Variants in JPH3 observed in about 807,000 individuals in gnomAD.
JPH3 encodes the protein junctophilin 3, also known as junctophilin-3.
Under a neutral mutation model 59.6 loss-of-function variants are expected in JPH3, and 11 were observed. The ratio of observed to expected loss-of-function variants is 0.18; its 90% CI spans 0.12 to 0.31. JPH3 has a LOEUF of 0.31. JPH3 is among the 10% of genes least tolerant of loss of function. The pLI is 1.00. For synonymous variants in JPH3, 673 were observed against 483.6 expected, an observed-to-expected ratio of 1.39 and a Z score of -5.14; for missense variants, 1,202 against 1,105.7, an observed-to-expected ratio of 1.09 and a Z score of -1.24.
intron 1 of JPH3, among the ~76,000 whole-genome samples, chr16:87,613,787 C>A (rs1484238852): frequency 6.6e-6 from 1 of 152,068 alleles, no homozygotes; most frequent in Non-Finnish European, 1.5e-5. Flanking sequence ...TATTTTGTTC[C>A]AAGTATTGTG....
At position 87,604,180 on chromosome 16, in the gene JPH3, T is replaced by C. The variant is rs1039359747; in HGVS notation, c.382+652T>C. ...AGTGAGAGCCCAGGAATCTCGTCTT[T>C]CAGTGGCTGCATCGTTTTCACCATT... On this transcript the variant is annotated intron_variant, in intron 1 of 4. Transcript: ENST00000284262. The C allele has an allele frequency of 1.3e-5, 18 of 1,394,154 alleles. No homozygotes were observed. The African/African-American group carries it at 2.2e-4, about 17-fold the overall frequency. The allele number at this position is 1,394,154 out of a possible 1,614,324, so 86.4% of individuals were successfully genotyped here. A position where few individuals can be genotyped will look rare whatever the true frequency, so the allele number is the denominator to read the frequency against.
intron 1 of JPH3, among the ~76,000 whole-genome samples, chr16:87,605,757 G>A (rs2030495560): frequency 6.6e-6 from 1 of 152,168 alleles, no homozygotes; most frequent in Non-Finnish European, 1.5e-5. Flanking sequence ...AGGAGTCCCA[G>A]CCTTTGGCTG....
At chr16:87,605,119 A>T (rs781023148) in intron 1 of JPH3, 6 of 330,564 alleles carry the variant, frequency 1.8e-5, no homozygotes, top group Non-Finnish European at 3.8e-5. Context: ...GGCTCTGGCC[A>T]GGAGGCTCTG....
intron 2 of JPH3, among the ~76,000 whole-genome samples, chr16:87,648,291 T>A (rs771266723): frequency 8.1e-5 from 12 of 148,748 alleles, no homozygotes; most frequent in Non-Finnish European, 1.6e-4. Flanking sequence ...CCCTGGAGAG[T>A]GAAGCTGATG....
intron 1 of JPH3, among the ~76,000 whole-genome samples, chr16:87,634,854 G>A (rs571916702): frequency 1.3e-5 from 2 of 152,226 alleles, no homozygotes; most frequent in Non-Finnish European, 2.9e-5. Flanking sequence ...GTGGGCTTCG[G>A]ATCAGCTCAG....
chr16:87,636,187 C>T (rs552640616), intron 1 of JPH3, among the ~76,000 whole-genome samples: 5 of 152,216 alleles, frequency 3.3e-5, no homozygotes, highest in Admixed American at 6.5e-5. Flanking sequence ...GTTTGCCCCC[C>T]ACAGCCTTGG....
intron 1 of JPH3, among the ~76,000 whole-genome samples, chr16:87,615,535 A>G (rs2030923747): frequency 6.6e-6 from 1 of 152,166 alleles, no homozygotes; most frequent in South Asian, 2.1e-4. Context: ...CTTGTGGGGA[A>G]AGCATGGCTC....
intron 1 of JPH3, among the ~76,000 whole-genome samples, chr16:87,633,679 G>GT (rs2031638393): frequency 6.6e-6 from 1 of 151,934 alleles, no homozygotes; most frequent in South Asian, 2.1e-4. Flanking sequence ...GGCGCCTGTA[G>GT]TACCAGCTAC....
intron 1 of JPH3, among the ~76,000 whole-genome samples, chr16:87,609,186 C>T (rs1402839301): frequency 3.3e-5 from 5 of 152,216 alleles, no homozygotes; most frequent in Admixed American, 2.6e-4. Context: ...GAGGTAACAT[C>T]CTCTGCTGGT....
intron 4 of JPH3, among the ~76,000 whole-genome samples, chr16:87,692,704 TGAAG>T (rs1201883287): frequency 3.3e-5 from 5 of 152,292 alleles, no homozygotes; most frequent in South Asian, 2.1e-4. Flanking sequence ...GCTCTACTGG[TGAAG>T]GAACTCTGGC....
intron 3 of JPH3, among the ~76,000 whole-genome samples, chr16:87,685,997 A>G (rs2033408779): frequency 1.3e-5 from 2 of 152,182 alleles, no homozygotes; most frequent in Admixed American, 6.5e-5. Flanking sequence ...CGGCGTCCTT[A>G]GAAGAGACAG....
rs1180324536 is a variant in JPH3, at chr16:87,621,705, C to G, written c.382+18177C>G. On this transcript the variant is annotated intron_variant, in intron 1 of 4. Coordinates refer to ENST00000284262, the MANE Select transcript of JPH3 (RefSeq NM_020655.4). ...CCTCCCTGCAATGAGGGTGGACACTCCCCCAGGAACCACGGGGCAAGAGGG... is the reference window on the plus strand; with the variant it reads ...CCTCCCTGCAATGAGGGTGGACACTGCCCCAGGAACCACGGGGCAAGAGGG... Among the ~76,000 whole-genome samples, 8 of 152,202 alleles carry G rather than the reference C, an allele frequency of 5.3e-5. No homozygotes were observed. In the South Asian group the frequency reaches 1.7e-3, roughly 32 times the overall value.
Position 87,603,449 on chromosome 16 carries a change from G to T in JPH3, c.303G>T (p.Ala101=). ...FKGRYGVREC[A]GNGAKYEGTW... Reference sequence around the variant, plus strand: ...GGCGCTACGGGGTGCGGGAGTGCGCGGGCAACGGGGCCAAATACGAAGGGA... The same window carrying T: ...GGCGCTACGGGGTGCGGGAGTGCGCTGGCAACGGGGCCAAATACGAAGGGA... The change falls in exon 1 of 5, where the codon GCG becomes GCT. Residue 101 remains alanine (A), a synonymous_variant. Transcript: ENST00000284262. 6.4e-7 allele frequency: 1 copy of T among 1,565,164 alleles called. No individual in the cohort carries two copies. Among genetic ancestry groups the T allele is most frequent in the East Asian group, 2.4e-5 (1 of 41,572 alleles).
At chr16:87,685,573 G>A (rs1014797948) in intron 3 of JPH3, among the ~76,000 whole-genome samples, 1 of 152,264 alleles carries the variant, frequency 6.6e-6, no homozygotes, top group African/African-American at 2.4e-5. Context: ...GGGAGTGGGT[G>A]CAGTGCTGCG....
chr16:87,695,246 C>A (rs1462735801), intron 4 of JPH3: 4 of 452,104 alleles, frequency 8.8e-6, no homozygotes, highest in Non-Finnish European at 1.3e-5. Context: ...GCTACTCAGT[C>A]TTAACAGACC....
At chr16:87,687,329 A>T (rs2142829301) in intron 3 of JPH3, among the ~76,000 whole-genome samples, 1 of 152,242 alleles carries the variant, frequency 6.6e-6, no homozygotes. Context: ...AGGATTTAAA[A>T]CGAGGCTCTG....
chr16:87,615,228 C>A (rs2030912541), intron 1 of JPH3, among the ~76,000 whole-genome samples: 1 of 152,232 alleles, frequency 6.6e-6, no homozygotes. Flanking sequence ...CCAGATTGAT[C>A]TCAGTTTGCC....
At chr16:87,632,908 AT>A (rs1555535680) in intron 1 of JPH3, among the ~76,000 whole-genome samples, 108 of 151,506 alleles carry the variant, frequency 7.1e-4, no homozygotes, top group African/African-American at 2.5e-3. Flanking sequence ...AAAAAAAAAA[AT>A]TTTGGTAGAG....
chr16:87,639,040 C>T (rs532648539), intron 1 of JPH3, among the ~76,000 whole-genome samples: 9 of 152,290 alleles, frequency 5.9e-5, no homozygotes, highest in African/African-American at 2.2e-4. Flanking sequence ...GCCGCTTCCG[C>T]TTCCTGGCTG....
Sources: allele counts gnomAD v4.1 joint callset (sites outside exome capture counted in the v4.1 genomes callset), GRCh38; gene constraint gnomAD v4.1.1; transcripts MANE v1.5; gene names NCBI Gene and HGNC (gene_info 2026-07-23, HGNC 2026-07-21).